Variants in SYT16 observed in about 807,000 individuals in gnomAD.
SYT16 encodes the protein synaptotagmin-16.
SYT16 carries 42 observed loss-of-function variants against 61.4 expected under a neutral mutation model. That is an observed-to-expected ratio of 0.68 (90% CI 0.53 to 0.89). The LOEUF (loss-of-function observed/expected upper bound fraction) is 0.89. SYT16 is among the 40% of genes least tolerant of loss of function. The pLI, the probability that SYT16 is intolerant of heterozygous loss-of-function variation, is 0.00. For missense variants in SYT16, 804 were observed against 807.3 expected (o/e 1.00, Z 0.05); for synonymous variants, 314 against 302.3 (o/e 1.04, Z -0.40).
intron 1 of SYT16, among the ~76,000 whole-genome samples, chr14:61,845,820 C>G (rs1036562980): frequency 6.6e-6 from 1 of 152,056 alleles, no homozygotes. Context: ...CTATAAACTT[C>G]CCTCTTAGTA....
In SYT16 at chr14:62,075,307, C is replaced by G. The variant is rs766789793; in HGVS notation, c.909C>G (p.Gly303=). Residue 303 remains glycine (G), a synonymous_variant, in exon 5 of 8, where the codon GGC becomes GGG. Transcript: ENST00000683842. ...VQSLRRQSTE[G]SLEMETAFNS... is the part of the protein sequence containing the mutation. ...GCCTCAGGCGCCAATCCACAGAGGG[C>G]AGCTTGGAGATGGAGACAGCTTTTA... is the stretch of plus-strand genomic sequence containing the variant. 11 of 1,613,866 alleles carry G rather than the reference C, an allele frequency of 6.8e-6. No individual in the cohort carries two copies. Among genetic ancestry groups the G allele is most frequent in the Non-Finnish European group, 9.3e-6 (11 of 1,179,832 alleles).
intron 1 of SYT16, chr14:61,832,287 A>G (rs17099248): frequency 2.9e-5 from 17 of 592,876 alleles, no homozygotes; most frequent in Non-Finnish European, 5.0e-5. Flanking sequence ...ATCGCTCTTC[A>G]CAACATTTCC....
At chr14:61,920,345 T>C (rs1029597693) in intron 1 of SYT16, among the ~76,000 whole-genome samples, 3 of 152,202 alleles carry the variant, frequency 2.0e-5, no homozygotes, top group African/African-American at 7.2e-5. Context: ...GGTGGCTTGC[T>C]GCACCTCACC....
intron 1 of SYT16, among the ~76,000 whole-genome samples, chr14:61,863,432 G>C (rs970218054): frequency 6.6e-6 from 1 of 152,126 alleles, no homozygotes; most frequent in African/African-American, 2.4e-5. Context: ...TGTTTGTAAA[G>C]CTCTTTGGCC....
chr14:62,007,451 A>G (rs2053267118), intron 3 of SYT16, among the ~76,000 whole-genome samples: 5 of 152,168 alleles, frequency 3.3e-5, no homozygotes, highest in Admixed American at 3.3e-4. Context: ...AGCTTTATAC[A>G]GTTAATTTTC....
intron 1 of SYT16, among the ~76,000 whole-genome samples, chr14:61,895,744 C>G (rs1423335411): frequency 6.6e-6 from 1 of 152,162 alleles, no homozygotes; most frequent in Non-Finnish European, 1.5e-5. Context: ...TGCATTACTA[C>G]CACTGTTACT....
chr14:61,958,607 G>T (rs2050980390), intron 1 of SYT16, among the ~76,000 whole-genome samples: 1 of 151,876 alleles, frequency 6.6e-6, no homozygotes, highest in African/African-American at 2.4e-5. Context: ...CATTGTGACT[G>T]AAAAATGTAT....
At chr14:61,853,526 G>A (rs927324423) in intron 1 of SYT16, among the ~76,000 whole-genome samples, 1 of 152,108 alleles carries the variant, frequency 6.6e-6, no homozygotes, top group Non-Finnish European at 1.5e-5. Context: ...TAGGGCTAAG[G>A]CCTTCTGCTA....
At chr14:61,918,062 A>T (rs1189427094) in intron 1 of SYT16, among the ~76,000 whole-genome samples, 1 of 152,178 alleles carries the variant, frequency 6.6e-6, no homozygotes, top group Non-Finnish European at 1.5e-5. Flanking sequence ...ATTTTGGAGC[A>T]CTTCAGATTT....
chr14:61,995,876 C>G lies in SYT16; in HGVS notation c.-144C>G. 1 of 791,286 alleles carries G rather than the reference C, an allele frequency of 1.3e-6. No homozygotes were observed. The highest frequency in any genetic ancestry group is 2.6e-5 in the South Asian group (1 of 39,176). The allele number at this position is 791,286 out of a possible 1,614,324, so 49.0% of individuals were successfully genotyped here. On this transcript the variant is annotated splice_region_variant and 5_prime_UTR_variant, in exon 3 of 8. Coordinates refer to ENST00000683842, the MANE Select transcript of SYT16 (RefSeq NM_001367656.1). ...TAAGTATTTCTTTCCTCTGTTTCAGCTGGAAGTTTTGAGAGTGAAATATTC... is the reference window on the plus strand; with the variant it reads ...TAAGTATTTCTTTCCTCTGTTTCAGGTGGAAGTTTTGAGAGTGAAATATTC...
At chr14:62,017,241 C>G (rs2053725233) in intron 3 of SYT16, among the ~76,000 whole-genome samples, 1 of 152,156 alleles carries the variant, frequency 6.6e-6, no homozygotes, top group Non-Finnish European at 1.5e-5. Context: ...TCCTACTTAC[C>G]TGGTCACTTT....
At chr14:62,036,322 G>A (rs1490587975) in intron 3 of SYT16, among the ~76,000 whole-genome samples, 1 of 152,118 alleles carries the variant, frequency 6.6e-6, no homozygotes, top group African/African-American at 2.4e-5. Context: ...GGTTGGGTAT[G>A]GCTGGAAGCG....
intron 1 of SYT16, among the ~76,000 whole-genome samples, chr14:61,939,947 G>A (rs558953449): frequency 1.3e-5 from 2 of 152,230 alleles, no homozygotes; most frequent in Non-Finnish European, 1.5e-5. Context: ...TTAGGCTGAT[G>A]TCATCTGGGG....
At chr14:61,815,664 G>A (rs887462784) in intron 1 of SYT16, among the ~76,000 whole-genome samples, 2 of 152,152 alleles carry the variant, frequency 1.3e-5, no homozygotes, top group African/African-American at 4.8e-5. Flanking sequence ...GAGGAGAAAA[G>A]GGGAACTCGA....
At chr14:61,963,844 T>A (rs2051204891) in intron 1 of SYT16, among the ~76,000 whole-genome samples, 1 of 152,172 alleles carries the variant, frequency 6.6e-6, no homozygotes, top group African/African-American at 2.4e-5. Flanking sequence ...TTGAAGCCAA[T>A]GCTCATTGAC....
At chr14:61,813,732 C>G (rs900515692) in intron 1 of SYT16, among the ~76,000 whole-genome samples, 4 of 150,876 alleles carry the variant, frequency 2.7e-5, no homozygotes, top group Non-Finnish European at 5.9e-5. Context: ...TGCCATTGCA[C>G]TCCAGTCTGG....
intron 1 of SYT16, among the ~76,000 whole-genome samples, chr14:61,891,044 T>A (rs1486886457): frequency 6.6e-6 from 1 of 152,248 alleles, no homozygotes; most frequent in Non-Finnish European, 1.5e-5. Context: ...CTCCAGTGTG[T>A]GTGAGTGCTC....
At chr14:62,076,558 TA>T in intron 5 of SYT16, among the ~76,000 whole-genome samples, 2 of 152,248 alleles carry the variant, frequency 1.3e-5, no homozygotes, top group Middle Eastern at 3.4e-3. Flanking sequence ...TGCCCCTGTG[TA>T]GATGTCTCTG....
At position 62,109,920 on chromosome 14, in the gene SYT16, C is replaced by T. The variant is rs541591646; in HGVS notation, c.*9213C>T. 3.3e-5 allele frequency: 5 copies of T among 152,262 alleles called. No individual in the cohort carries two copies. Among genetic ancestry groups the T allele is most frequent in the African/African-American group, 9.6e-5 (4 of 41,554 alleles). 9.4% of individuals were successfully genotyped at this position (152,262 alleles called of 1,614,324 possible). A position where few individuals can be genotyped will look rare whatever the true frequency, so the allele number is the denominator to read the frequency against. ...ATGGTATGTAAGCATCTGGCTCACA[C>T]AGCAGCTCTGAATTCTGAATGAAAA... On this transcript the variant is annotated 3_prime_UTR_variant, in exon 8 of 8. Transcript: ENST00000683842.
Sources: gnomAD v4.1 joint callset for allele counts (sites outside exome capture counted in the v4.1 genomes callset) on GRCh38, gnomAD v4.1.1 for gene constraint, MANE v1.5 for transcripts, NCBI Gene and HGNC (gene_info 2026-07-23, HGNC 2026-07-21) for gene names.